The following CAMTA1 variants were observed in gnomAD, a reference collection of about 807,000 sequenced individuals.
CAMTA1 encodes the protein calmodulin-binding transcription activator 1.
Under a neutral mutation model 170.9 loss-of-function variants are expected in CAMTA1, and 27 were observed. The observed-to-expected ratio is 0.16, with a 90% CI of 0.12 to 0.22. The LOEUF is 0.22. CAMTA1 is among the 10% of genes least tolerant of loss of function. The probability of loss-of-function intolerance (pLI) is 1.00; values close to 1 mark genes in which losing one functional copy is unlikely to be tolerated. For missense variants in CAMTA1, 1,619 were observed against 2,217.2 expected, an observed-to-expected ratio of 0.73 and a Z score of 5.42; for synonymous variants, 833 against 891.5, an observed-to-expected ratio of 0.93 and a Z score of 1.17.
chr1:7,549,479 G>A (rs2094769268), intron 6 of CAMTA1, among the ~76,000 whole-genome samples: 1 of 152,148 alleles, frequency 6.6e-6, no homozygotes, highest in African/African-American at 2.4e-5. Context: ...TTGGCTGTCA[G>A]CAAAGGCGTC....
At chr1:7,194,459 A>G (rs1287449625) in intron 4 of CAMTA1, among the ~76,000 whole-genome samples, 1 of 152,208 alleles carries the variant, frequency 6.6e-6, no homozygotes, top group Non-Finnish European at 1.5e-5. Context: ...TCTTTAAATC[A>G]TTGAACGAGG....
intron 6 of CAMTA1, among the ~76,000 whole-genome samples, chr1:7,618,529 G>A (rs1020283403): frequency 3.9e-5 from 6 of 152,162 alleles, no homozygotes; most frequent in Admixed American, 1.3e-4. Context: ...CGTCTCCCTC[G>A]TTTTCAAGGC....
chr1:7,670,902 T>G lies in CAMTA1; in HGVS notation c.2653-9T>G, dbSNP rs375155253. The G allele has an allele frequency of 2.2e-5, 36 of 1,613,286 alleles. No homozygotes were observed. Among genetic ancestry groups the G allele is most frequent in the Non-Finnish European group, 3.1e-5 (36 of 1,179,794 alleles). ...ACTCCAACTCTGTTCCCCTCTCTGT[T>G]CTCTGCAGGGAGGAGTGAAGGTCCT... On this transcript the variant is annotated splice_polypyrimidine_tract_variant and intron_variant, in intron 9 of 22. Coordinates refer to ENST00000303635, the MANE Select transcript of CAMTA1 (RefSeq NM_015215.4).
intron 11 of CAMTA1, among the ~76,000 whole-genome samples, chr1:7,696,055 ACAGTGGCT>A (rs1358619506): frequency 7.2e-5 from 11 of 152,180 alleles, no homozygotes; most frequent in African/African-American, 2.4e-4. Context: ...CGGGTACCTG[ACAGTGGCT>A]CAGTGGCTGT....
chr1:6,998,727 G>A (rs779767549), intron 3 of CAMTA1, among the ~76,000 whole-genome samples: 4 of 152,096 alleles, frequency 2.6e-5, no homozygotes, highest in Non-Finnish European at 4.4e-5. Flanking sequence ...TCTGACATGC[G>A]GTGGATGCTC....
intron 6 of CAMTA1, among the ~76,000 whole-genome samples, chr1:7,475,928 C>T (rs2093413390): frequency 6.6e-6 from 1 of 152,194 alleles, no homozygotes; most frequent in Non-Finnish European, 1.5e-5. Flanking sequence ...CACACATGTG[C>T]AGTGAGCAGA....
rs111450640 is a variant in CAMTA1, at chr1:7,288,933, T to A, written c.438+39307T>A. 4.1e-3 allele frequency among the ~76,000 whole-genome samples: 628 copies of A among 152,156 alleles called. 3 individuals carry two copies. Among genetic ancestry groups the A allele is most frequent in the African/African-American group, 0.014 (585 of 41,494 alleles). ...TTGGGTAATTTATAAAGAAAAGAAG[T>A]TTAATTGGCTCCTGGTTCCACAGGC... On this transcript the variant is annotated intron_variant, in intron 5 of 22. Transcript: ENST00000303635.
intron 12 of CAMTA1, among the ~76,000 whole-genome samples, chr1:7,734,040 G>A (rs1338897336): frequency 3.3e-5 from 5 of 152,188 alleles, no homozygotes; most frequent in Middle Eastern, 3.4e-3. Flanking sequence ...CTCCGCCTCC[G>A]AGGTTCAAGC....
At chr1:7,530,809 C>CTTTT (rs1553193458) in intron 6 of CAMTA1, among the ~76,000 whole-genome samples, 1 of 106,264 alleles carries the variant, frequency 9.4e-6, no homozygotes, top group African/African-American at 3.7e-5. Context: ...ACTGTGAGCT[C>CTTTT]TTGTTTTTTT....
intron 3 of CAMTA1, among the ~76,000 whole-genome samples, chr1:6,973,870 C>A (rs1692963980): frequency 6.6e-6 from 1 of 152,186 alleles, no homozygotes; most frequent in Admixed American, 6.5e-5. Context: ...GCTAGTGCTG[C>A]CTCCTGCCCC....
intron 4 of CAMTA1, among the ~76,000 whole-genome samples, chr1:7,222,418 T>G (rs1660955675): frequency 6.6e-6 from 1 of 152,176 alleles, no homozygotes; most frequent in Non-Finnish European, 1.5e-5. Flanking sequence ...CTTCCTGCCC[T>G]CCTCTTTCTC....
intron 3 of CAMTA1, among the ~76,000 whole-genome samples, chr1:6,835,931 A>C (rs1652884800): frequency 6.6e-6 from 1 of 152,156 alleles, no homozygotes; most frequent in Admixed American, 6.5e-5. Context: ...CTAATTTTTC[A>C]ATGTTTTTTG....
chr1:7,280,383 C>T (rs960500102), intron 5 of CAMTA1, among the ~76,000 whole-genome samples: 3 of 152,236 alleles, frequency 2.0e-5, no homozygotes, highest in African/African-American at 7.2e-5. Flanking sequence ...GGGTAAGACC[C>T]TCCTGTCCCA....
chr1:7,488,247 CAG>C (rs1281447907), intron 6 of CAMTA1, among the ~76,000 whole-genome samples: 1 of 152,180 alleles, frequency 6.6e-6, no homozygotes, highest in Non-Finnish European at 1.5e-5. Flanking sequence ...AGCGCCTGGA[CAG>C]GGGGCTGGAG....
At chr1:7,062,011 G>A (rs964230521) in intron 3 of CAMTA1, among the ~76,000 whole-genome samples, 51 of 152,058 alleles carry the variant, frequency 3.4e-4, no homozygotes, top group Admixed American at 2.7e-3. Flanking sequence ...TCCGCCTACC[G>A]GGTTCAAGTG....
At chr1:7,538,824 A>G (rs1355148810) in intron 6 of CAMTA1, among the ~76,000 whole-genome samples, 1 of 152,232 alleles carries the variant, frequency 6.6e-6, no homozygotes, top group East Asian at 1.9e-4. Context: ...ACCAGGCAGC[A>G]TAGAGCTATC....
At position 7,063,001 on chromosome 1, in the gene CAMTA1, T is replaced by C. The variant is rs1708477438; in HGVS notation, c.235-28303T>C. On this transcript the variant is annotated intron_variant, in intron 3 of 22. Transcript: ENST00000303635. The surrounding 1 kb of genome is among the most constrained non-coding windows in gnomAD (Gnocchi z 4.3). Reference sequence around the variant, plus strand: ...TCTTAACTAGATGACATCGCAAAGCTCCTATTTCCAAATAAGGGCACATGC... The same window carrying C: ...TCTTAACTAGATGACATCGCAAAGCCCCTATTTCCAAATAAGGGCACATGC... Among the ~76,000 whole-genome samples the C allele has an allele frequency of 1.3e-5, 2 of 152,158 alleles. No homozygotes were observed. Among genetic ancestry groups the C allele is most frequent in the Non-Finnish European group, 2.9e-5 (2 of 68,042 alleles).
Position 7,532,068 on chromosome 1 carries a change from G to A in CAMTA1, c.510+64167G>A, listed in dbSNP as rs2094498327. On this transcript the variant is annotated intron_variant, in intron 6 of 22. Coordinates refer to ENST00000303635, the MANE Select transcript of CAMTA1 (RefSeq NM_015215.4). This position sits in a 1 kb window ranked among gnomAD's most constrained non-coding sequence, Gnocchi z 4.2. ...CAGTGGAAGAAAGGCAGAGAGGAAG[G>A]GGCAGGGGCGGCGAATGAGTGACAG... 6.6e-6 allele frequency among the ~76,000 whole-genome samples: 1 copy of A among 152,240 alleles called. No individual in the cohort carries two copies. The highest frequency in any genetic ancestry group is 1.5e-5 in the Non-Finnish European group (1 of 68,038).
chr1:7,562,680 A>G lies in CAMTA1; in HGVS notation c.511-77720A>G, dbSNP rs181544708. Among the ~76,000 whole-genome samples, 1 of 152,316 alleles carries G rather than the reference A, an allele frequency of 6.6e-6. No individual in the cohort carries two copies. The highest frequency in any genetic ancestry group is 1.9e-4 in the East Asian group (1 of 5,186). ...TTGTACGCCACTGCTCAGATGGTTTATCTGACCCCGCAGCTGGCACGGAGA... is the reference window on the plus strand; with the variant it reads ...TTGTACGCCACTGCTCAGATGGTTTGTCTGACCCCGCAGCTGGCACGGAGA... On this transcript the variant is annotated intron_variant, in intron 6 of 22. Transcript: ENST00000303635. The surrounding 1 kb of genome is among the most constrained non-coding windows in gnomAD (Gnocchi z 4.8).
Sources: gnomAD v4.1 joint callset for allele counts (sites outside exome capture counted in the v4.1 genomes callset) on GRCh38, gnomAD v4.1.1 for gene constraint, Gnocchi (gnomAD v3.1) non-coding constraint, MANE v1.5 for transcripts, NCBI Gene and HGNC (gene_info 2026-07-23, HGNC 2026-07-21) for gene names.